Variants in NTN1 observed in about 807,000 individuals in gnomAD.
NTN1 encodes netrin-1.
A neutral mutation model predicts 54.2 loss-of-function variants in NTN1; 11 were observed. The observed-to-expected ratio is 0.20, with a 90% CI of 0.13 to 0.34. The LOEUF (loss-of-function observed/expected upper bound fraction) is 0.34. Among genes scored for constraint, NTN1 ranks in the 10% least tolerant of loss-of-function variants. The pLI is 1.00. For synonymous variants in NTN1, 371 were observed against 382.0 expected (o/e 0.97, Z 0.33); for missense variants, 740 against 893.1 (o/e 0.83, Z 2.18).
chr17:9,033,502 C>A (rs1005595302), intron 2 of NTN1, among the ~76,000 whole-genome samples: 1 of 152,216 alleles, frequency 6.6e-6, no homozygotes, highest in Non-Finnish European at 1.5e-5. Flanking sequence ...CCAGGCACAG[C>A]AGCTCACACC....
intron 1 of NTN1, among the ~76,000 whole-genome samples, chr17:9,021,910 C>CG: frequency 6.6e-6 from 1 of 152,122 alleles, no homozygotes; most frequent in East Asian, 1.9e-4. Flanking sequence ...GGGACGCGAT[C>CG]GGGGGGCATC....
At chr17:9,093,283 C>A (rs373721482) in intron 2 of NTN1, among the ~76,000 whole-genome samples, 12 of 152,240 alleles carry the variant, frequency 7.9e-5, no homozygotes, top group African/African-American at 2.7e-4. Context: ...CTGCTATGAA[C>A]ATAGGTATTA....
chr17:9,195,374 G>A lies in NTN1; in HGVS notation c.1411+12405G>A, dbSNP rs114177086. Among the ~76,000 whole-genome samples the A allele has an allele frequency of 4.2e-3, 641 of 152,338 alleles. 9 individuals are homozygous for A. Among genetic ancestry groups the A allele is most frequent in the African/African-American group, 0.014 (596 of 41,562 alleles). ...GGAGGCCAGAGGAGCAAGTGGGGGC[G>A]GAATATTTAGCCCTTCTTGGGAGCT... is the stretch of plus-strand genomic sequence containing the variant. On this transcript the variant is annotated intron_variant, in intron 5 of 6. Transcript: ENST00000173229.
At chr17:9,201,735 G>A (rs1260988949) in intron 5 of NTN1, among the ~76,000 whole-genome samples, 1 of 152,076 alleles carries the variant, frequency 6.6e-6, no homozygotes, top group Non-Finnish European at 1.5e-5. Flanking sequence ...GAGCTCCTGG[G>A]CTGTGATTCT....
intron 5 of NTN1, among the ~76,000 whole-genome samples, chr17:9,188,178 C>T (rs1216182955): frequency 1.3e-5 from 2 of 152,144 alleles, no homozygotes; most frequent in South Asian, 2.1e-4. Flanking sequence ...CCTGTAATCC[C>T]GGCACTATGG....
At chr17:9,031,666 C>G (rs555912455) in intron 2 of NTN1, among the ~76,000 whole-genome samples, 4 of 152,164 alleles carry the variant, frequency 2.6e-5, no homozygotes, top group African/African-American at 7.2e-5. Flanking sequence ...TAAAGTAGAC[C>G]AGGTGCGGTG....
chr17:9,238,425 G>A, intron 6 of NTN1, among the ~76,000 whole-genome samples: 1 of 152,076 alleles, frequency 6.6e-6, no homozygotes, highest in Admixed American at 6.5e-5. Context: ...GACAGTGCGG[G>A]GCAGGGGAGT....
intron 6 of NTN1, among the ~76,000 whole-genome samples, chr17:9,237,630 A>G (rs56223768): frequency 0.14 from 21,904 of 152,186 alleles, 1,551 homozygotes; most frequent in East Asian, 0.16. Context: ...GGGACACCAC[A>G]GCTGTACAAG....
the NTN1 span, among the ~76,000 whole-genome samples, chr17:9,013,994 G>T: frequency 1.3e-5 from 2 of 152,176 alleles, no homozygotes; most frequent in South Asian, 4.1e-4. Flanking sequence ...CCTTCAAAGA[G>T]CCCTGGTAGA....
At chr17:9,138,043 T>C (rs79548225) in intron 2 of NTN1, among the ~76,000 whole-genome samples, 2,231 of 152,296 alleles carry the variant, frequency 0.015, 57 homozygotes, top group African/African-American at 0.05. Context: ...CAGCCTTCCC[T>C]GTCCCACCAT....
At chr17:9,063,851 T>TC (rs397802143) in intron 2 of NTN1, among the ~76,000 whole-genome samples, 1 of 151,682 alleles carries the variant, frequency 6.6e-6, no homozygotes, top group Non-Finnish European at 1.5e-5. Context: ...ATTTTTTTTT[T>TC]AGCCAAGGCA....
the NTN1 span, among the ~76,000 whole-genome samples, chr17:9,014,878 G>C: frequency 6.6e-6 from 1 of 152,188 alleles, no homozygotes; most frequent in African/African-American, 2.4e-5. Flanking sequence ...CACAGGTTCT[G>C]ACTAAGAGCT....
intron 2 of NTN1, among the ~76,000 whole-genome samples, chr17:9,140,438 C>A (rs116500079): frequency 0.012 from 1,799 of 152,318 alleles, 30 homozygotes; most frequent in African/African-American, 0.041. Context: ...AAAAATGCAT[C>A]TCTGAGCTGG....
Position 9,165,296 on chromosome 17 carries a change from A to C in NTN1, c.1207+2295A>C, listed in dbSNP as rs556809465. On this transcript the variant is annotated intron_variant, in intron 3 of 6. Coordinates refer to ENST00000173229, the MANE Select transcript of NTN1 (RefSeq NM_004822.3). The surrounding 1 kb of genome is among the most constrained non-coding windows in gnomAD (Gnocchi z 4.5). The stretch of plus-strand genomic sequence containing the variant: ...GTGGACAGGGACAAGAGCCATTTGC[A>C]GCCTCTCACCACTCAGAGTGAGAGA... 1.3e-5 allele frequency among the ~76,000 whole-genome samples: 2 copies of C among 152,322 alleles called. No homozygotes were observed. The highest frequency in any genetic ancestry group is 2.9e-5 in the Non-Finnish European group (2 of 68,028).
At chr17:9,079,906 C>T (rs1430857641) in intron 2 of NTN1, among the ~76,000 whole-genome samples, 1 of 151,750 alleles carries the variant, frequency 6.6e-6, no homozygotes, top group Non-Finnish European at 1.5e-5. Flanking sequence ...GTTTACTGGC[C>T]CCTAAGGAAG....
chr17:9,182,459 T>C (rs1009940560), intron 4 of NTN1, among the ~76,000 whole-genome samples: 5 of 152,206 alleles, frequency 3.3e-5, no homozygotes, highest in Non-Finnish European at 7.3e-5. Flanking sequence ...GAGAAACCTT[T>C]CCCTTTGGGC....
At chr17:9,071,141 C>T (rs546173528) in intron 2 of NTN1, among the ~76,000 whole-genome samples, 15 of 152,272 alleles carry the variant, frequency 9.9e-5, no homozygotes, top group South Asian at 8.3e-4. Context: ...CCACTGAGGC[C>T]GGAGCACTGA....
chr17:9,023,186 G>C lies in NTN1; in HGVS notation c.813G>C (p.Ser271=), dbSNP rs1483785173. 7 of 1,562,934 alleles carry C rather than the reference G, an allele frequency of 4.5e-6. No individual in the cohort carries two copies. The South Asian group carries it at 8.1e-5, about 18-fold the overall frequency. ...NEDDSELARD[S]YFYAVSDLQV... ...ACGACTCGGAGCTGGCGCGCGACTCGTACTTCTACGCGGTGTCCGACCTGC... is the reference window on the plus strand; with the variant it reads ...ACGACTCGGAGCTGGCGCGCGACTCCTACTTCTACGCGGTGTCCGACCTGC... Residue 271 remains serine (S), a synonymous_variant, in exon 2 of 7, where the codon TCG becomes TCC. Coordinates refer to ENST00000173229, the MANE Select transcript of NTN1 (RefSeq NM_004822.3).
chr17:9,023,953 A>G (rs1422074422), intron 2 of NTN1, among the ~76,000 whole-genome samples: 2 of 152,232 alleles, frequency 1.3e-5, no homozygotes, highest in African/African-American at 4.8e-5. Flanking sequence ...TCTCTTTTGA[A>G]CAGCGTGTTT....
Sources: gnomAD v4.1 joint callset for allele counts (sites outside exome capture counted in the v4.1 genomes callset) on GRCh38, gnomAD v4.1.1 for gene constraint, Gnocchi (gnomAD v3.1) non-coding constraint, MANE v1.5 for transcripts, NCBI Gene and HGNC (gene_info 2026-07-23, HGNC 2026-07-21) for gene names.